BEST3: variants seen among roughly 807,000 people sequenced by gnomAD.
BEST3 encodes bestrophin 3.
In BEST3, 50 loss-of-function variants were observed where a neutral mutation model predicts 47.1. The ratio of observed to expected loss-of-function variants is 1.06; its 90% CI spans 0.85 to 1.34. The LOEUF is 1.34. Ranked by LOEUF, BEST3 falls within the 40% of genes most tolerant of loss-of-function variation. The probability of loss-of-function intolerance (pLI) is 0.00; values close to 1 mark genes in which losing one functional copy is unlikely to be tolerated. For missense variants in BEST3, 765 were observed against 817.0 expected, an observed-to-expected ratio of 0.94 and a Z score of 0.78; for synonymous variants, 282 against 298.8, an observed-to-expected ratio of 0.94 and a Z score of 0.58.
chr12:69,654,786 A>G lies in BEST3; in HGVS notation c.*121T>C. The stretch of plus-strand genomic sequence containing the variant: ...TGCCCTTCAAAGTTCTAAGTAGCTT[A>G]TACAGTGTGATCATGTTTTTTAAAA... On this transcript the variant is annotated 3_prime_UTR_variant, in exon 10 of 10. Coordinates refer to ENST00000330891, the MANE Select transcript of BEST3 (RefSeq NM_032735.3). The G allele has an allele frequency of 6.9e-7, 1 of 1,455,780 alleles. No individual in the cohort carries two copies. The highest frequency in any genetic ancestry group is 1.5e-5 in the South Asian group (1 of 66,078). 90.2% of individuals were successfully genotyped at this position (1,455,780 alleles called of 1,614,324 possible).
chr12:69,693,086 C>T (rs1885983647), intron 4 of BEST3, among the ~76,000 whole-genome samples: 1 of 152,078 alleles, frequency 6.6e-6, no homozygotes, highest in African/African-American at 2.4e-5. Context: ...CTTAAGGCAA[C>T]GTTACTATCT....
At chr12:69,671,056 A>G (rs1050745787) in intron 9 of BEST3, among the ~76,000 whole-genome samples, 2 of 152,216 alleles carry the variant, frequency 1.3e-5, no homozygotes, top group East Asian at 1.9e-4. Flanking sequence ...ACTGACTTAC[A>G]TACTAAGCCT....
rs185828215 is a variant in BEST3, at chr12:69,662,295, G to C, written c.1101-6482C>G. ...GAATTTGAGATATTTTTGGTAGTTT[G>C]TAATATAAGCATGCAATTGTATGTA... On this transcript the variant is annotated intron_variant, in intron 9 of 9. Transcript: ENST00000330891. Among the ~76,000 whole-genome samples the C allele has an allele frequency of 1.5e-4, 23 of 152,212 alleles. No individual in the cohort carries two copies. In the East Asian group the frequency reaches 4.4e-3, roughly 29 times the overall value.
intron 4 of BEST3, chr12:69,684,380 T>G (rs556059047): frequency 1.6e-4 from 67 of 431,470 alleles, no homozygotes; most frequent in African/African-American, 1.1e-3. Flanking sequence ...TAAGACAAAA[T>G]TTTATTGCCC....
chr12:69,671,359 T>A (rs933766554), intron 9 of BEST3, 69 bp downstream of exon 9: 35 of 1,252,590 alleles, frequency 2.8e-5, no homozygotes, highest in African/African-American at 6.4e-5. Context: ...TTTTTTTTTT[T>A]ATAGAGACAA....
intron 4 of BEST3, among the ~76,000 whole-genome samples, chr12:69,693,003 T>C (rs1271767566): frequency 1.3e-5 from 2 of 152,156 alleles, no homozygotes; most frequent in African/African-American, 4.8e-5. Context: ...CCTCAGGTGA[T>C]CCACCCGCCT....
chr12:69,654,554 GGGAT>G lies in BEST3; in HGVS notation c.*349_*352del. ...TGCGTGTCTGGGCCTTTGGGTCTAG[GGGAT>G]TGGACTATGATCTATGAGACTCTTT... On this transcript the variant is annotated 3_prime_UTR_variant, in exon 10 of 10. Coordinates refer to ENST00000330891, the MANE Select transcript of BEST3 (RefSeq NM_032735.3). 1 of 1,011,320 alleles carries G rather than the reference GGGAT, an allele frequency of 9.9e-7. No homozygotes were observed. The highest frequency in any genetic ancestry group is 5.3e-5 in the Admixed American group (1 of 18,898). The allele number at this position is 1,011,320 out of a possible 1,614,324, so 62.6% of individuals were successfully genotyped here.
intron 4 of BEST3, among the ~76,000 whole-genome samples, chr12:69,681,949 T>C (rs808960): frequency 0.7 from 106,434 of 151,588 alleles, 37,403 homozygotes; most frequent in South Asian, 0.81. Flanking sequence ...GGTGTAGTGG[T>C]AGGGACCTGT....
intron 9 of BEST3, among the ~76,000 whole-genome samples, chr12:69,664,654 A>T: frequency 6.7e-6 from 1 of 149,440 alleles, no homozygotes. Flanking sequence ...ACAATGCAAT[A>T]ATATTATATA....
In BEST3 at chr12:69,654,914, G is replaced by A. The variant is rs369290973; in HGVS notation, c.2000C>T (p.Pro667Leu). The A allele has an allele frequency of 7.5e-6, 12 of 1,609,380 alleles. No individual in the cohort carries two copies. The African/African-American group carries it at 1.6e-4, about 22-fold the overall frequency. Residue 667 changes from proline to leucine, a missense_variant, in exon 10 of 10, where the codon CCC (proline) becomes CTC (leucine). Transcript: ENST00000330891. ...IELNKETEES[P>L]K ...CCTAGAACTTGGTGGCACTCATTTG[G>A]GTGATTCCTCAGTTTCCTTGTTCAG...
intron 2 of BEST3, among the ~76,000 whole-genome samples, chr12:69,696,143 G>A (rs1886123759): frequency 6.6e-6 from 1 of 151,860 alleles, no homozygotes; most frequent in Non-Finnish European, 1.5e-5. Flanking sequence ...ATAGTTCTTG[G>A]TATACCTTTG....
chr12:69,645,296 G>A (rs1302825236), intron 9 of BEST3, among the ~76,000 whole-genome samples: 1 of 152,128 alleles, frequency 6.6e-6, no homozygotes, highest in East Asian at 1.9e-4. Context: ...AAGGCTCCCA[G>A]GAACGCTAAG....
chr12:69,699,134 T>TG, intron 1 of BEST3, 71 bp downstream of exon 1: 1 of 868,092 alleles, frequency 1.2e-6, no homozygotes, highest in African/African-American at 1.8e-5. Flanking sequence ...TTTCAAGCTC[T>TG]GCCAGGAAAA....
chr12:69,682,218 T>G lies in BEST3; in HGVS notation c.482-3325A>C, dbSNP rs1885300205. Among the ~76,000 whole-genome samples the G allele has an allele frequency of 2.0e-5, 3 of 152,304 alleles. No individual in the cohort carries two copies. The East Asian group carries it at 5.8e-4, about 29-fold the overall frequency. On this transcript the variant is annotated intron_variant, in intron 4 of 9. Coordinates refer to ENST00000330891, the MANE Select transcript of BEST3 (RefSeq NM_032735.3). ...CTGGGTGATTTAATAGAATTGGGTC[T>G]AGGCAGTTGCATATTTACCAAGCTG...
intron 4 of BEST3, among the ~76,000 whole-genome samples, chr12:69,681,726 G>C (rs1885263268): frequency 6.6e-6 from 1 of 152,168 alleles, no homozygotes; most frequent in Admixed American, 6.5e-5. Context: ...ATCAGACTCA[G>C]TAGGGCAGGA....
Position 69,655,793 on chromosome 12 carries a change from G to A in BEST3, c.1121C>T (p.Pro374Leu). The A allele has an allele frequency of 1.2e-6, 2 of 1,609,400 alleles. No individual in the cohort carries two copies. The highest frequency in any genetic ancestry group is 1.7e-6 in the Non-Finnish European group (2 of 1,176,688). Residue 374 changes from proline (P) to leucine (L), a missense_variant, in exon 10 of 10, where the codon CCT (proline) becomes CTT (leucine). Transcript: ENST00000330891. ...ATAATCCCACAGCCACTCCTCGTCAGGAAAGTCGGACCCAGACAGCCTGAA... is the reference window on the plus strand; with the variant it reads ...ATAATCCCACAGCCACTCCTCGTCAAGAAAGTCGGACCCAGACAGCCTGAA... ...VQMGLSGSDF[P>L]DEEWLWDYEK... is the part of the protein sequence containing the mutation.
chr12:69,679,431 T>C (rs1303173107), intron 4 of BEST3, among the ~76,000 whole-genome samples: 1 of 152,204 alleles, frequency 6.6e-6, no homozygotes, highest in African/African-American at 2.4e-5. Context: ...CCCTTTAAAG[T>C]TCCCACATGG....
chr12:69,681,607 T>G (rs775477), intron 4 of BEST3, among the ~76,000 whole-genome samples: 2 of 152,094 alleles, frequency 1.3e-5, no homozygotes, highest in African/African-American at 4.8e-5. Context: ...AGATCTTTGA[T>G]GTGACTTAGG....
At position 69,654,026 on chromosome 12, in the gene BEST3, G is replaced by C; in HGVS notation, c.*881C>G. On this transcript the variant is annotated 3_prime_UTR_variant, in exon 10 of 10. Coordinates refer to ENST00000330891, the MANE Select transcript of BEST3 (RefSeq NM_032735.3). The stretch of plus-strand genomic sequence containing the variant: ...GTGGAAGCAGAAAGAAATGTCAATG[G>C]CTGCAAGGGCACGGGGGGAACCATC... 1 of 985,454 alleles carries C rather than the reference G, an allele frequency of 1.0e-6. No homozygotes were observed. The highest frequency in any genetic ancestry group is 1.2e-6 in the Non-Finnish European group (1 of 829,940). 61.0% of individuals were successfully genotyped at this position (985,454 alleles called of 1,614,324 possible).
Sources: allele counts gnomAD v4.1 joint callset (sites outside exome capture counted in the v4.1 genomes callset), GRCh38; gene constraint gnomAD v4.1.1; transcripts MANE v1.5; gene names NCBI Gene and HGNC (gene_info 2026-07-23, HGNC 2026-07-21).